Variants in ARFGAP3 observed in about 807,000 individuals in gnomAD.
ARFGAP3 encodes ADP-ribosylation factor GTPase-activating protein 3.
In ARFGAP3, 72 loss-of-function variants were observed where a neutral mutation model predicts 75.0. The observed-to-expected ratio is 0.96, with a 90% CI of 0.79 to 1.17. The LOEUF (loss-of-function observed/expected upper bound fraction) is 1.17. ARFGAP3 is among the 50% of genes most tolerant of loss of function. The probability of loss-of-function intolerance (pLI) is 0.00; values close to 1 mark genes in which losing one functional copy is unlikely to be tolerated. For missense variants in ARFGAP3, 620 were observed against 626.6 expected (o/e 0.99, Z 0.11); for synonymous variants, 221 against 217.9 (o/e 1.01, Z -0.13).
intron 1 of ARFGAP3, among the ~76,000 whole-genome samples, chr22:42,851,066 G>A (rs1291901615): frequency 6.6e-6 from 1 of 152,182 alleles, no homozygotes; most frequent in African/African-American, 2.4e-5. Context: ...TCCCCGTCAG[G>A]CTGTGTGTAA....
At position 42,822,456 on chromosome 22, in the gene ARFGAP3, T is replaced by C. The variant is rs770638028; in HGVS notation, c.673-47A>G. ...AGTCTACACGAGCTGTTTGAAAGCTTCTGTGACTACAGCTAACATTTCCTA... is the reference window on the plus strand; with the variant it reads ...AGTCTACACGAGCTGTTTGAAAGCTCCTGTGACTACAGCTAACATTTCCTA... On this transcript the variant is annotated intron_variant, in intron 8 of 15. Coordinates refer to ENST00000263245, the MANE Select transcript of ARFGAP3 (RefSeq NM_014570.5). 1.0e-5 allele frequency: 16 copies of C among 1,597,036 alleles called. 2 individuals carry two copies. In the South Asian group the frequency reaches 1.8e-4, roughly 18 times the overall value.
chr22:42,850,846 A>G (rs1020466621), intron 1 of ARFGAP3, among the ~76,000 whole-genome samples: 23 of 152,220 alleles, frequency 1.5e-4, no homozygotes, highest in African/African-American at 5.3e-4. Context: ...CACCTGCTGT[A>G]TGTCAGACAT....
At chr22:42,856,766 C>G (rs926154529) in intron 1 of ARFGAP3, among the ~76,000 whole-genome samples, 1 of 151,624 alleles carries the variant, frequency 6.6e-6, no homozygotes, top group Non-Finnish European at 1.5e-5. Context: ...GAGCCGGGAG[C>G]TCCCTCCTCG....
At chr22:42,849,116 A>G (rs1158830663) in intron 1 of ARFGAP3, among the ~76,000 whole-genome samples, 1 of 152,152 alleles carries the variant, frequency 6.6e-6, no homozygotes, top group African/African-American at 2.4e-5. Flanking sequence ...CCACCATGTG[A>G]GTAAGCTCCC....
intron 3 of ARFGAP3, among the ~76,000 whole-genome samples, chr22:42,837,675 C>CTTCT (rs1926586819): frequency 1.3e-5 from 1 of 75,662 alleles, no homozygotes; most frequent in African/African-American, 6.2e-5. Context: ...AGGCATACTT[C>CTTCT]TTTTTTTTTT....
intron 7 of ARFGAP3, among the ~76,000 whole-genome samples, chr22:42,826,074 C>G (rs1014379925): frequency 1.3e-5 from 2 of 152,118 alleles, no homozygotes; most frequent in African/African-American, 4.8e-5. Flanking sequence ...CAAACTCTGA[C>G]GAGTCTAAAA....
intron 2 of ARFGAP3, among the ~76,000 whole-genome samples, chr22:42,841,413 G>C (rs1026109158): frequency 6.6e-6 from 1 of 152,146 alleles, no homozygotes; most frequent in African/African-American, 2.4e-5. Flanking sequence ...GAAGCTTGGA[G>C]GATGCTCATT....
chr22:42,816,676 T>A (rs1925592792), intron 11 of ARFGAP3, among the ~76,000 whole-genome samples: 1 of 152,324 alleles, frequency 6.6e-6, no homozygotes, highest in African/African-American at 2.4e-5. Flanking sequence ...CCCCTCAAAG[T>A]ACAATCATCT....
At chr22:42,801,853 A>G (rs3788596) in intron 14 of ARFGAP3, among the ~76,000 whole-genome samples, 98,507 of 151,888 alleles carry the variant, frequency 0.65, 33,772 homozygotes, top group African/African-American at 0.87. Flanking sequence ...GAGTGGTGCA[A>G]GGGGGCCTAA....
chr22:42,837,775 GA>G (rs1372534313), intron 3 of ARFGAP3, among the ~76,000 whole-genome samples: 2 of 136,636 alleles, frequency 1.5e-5, no homozygotes, highest in African/African-American at 5.6e-5. Context: ...CAACCCCCTG[GA>G]TTCAAGTGAT....
intron 1 of ARFGAP3, among the ~76,000 whole-genome samples, chr22:42,854,397 G>C (rs1927408952): frequency 6.6e-6 from 1 of 152,234 alleles, no homozygotes; most frequent in Admixed American, 6.5e-5. Flanking sequence ...GGCTGAGACA[G>C]GCGGATCACT....
chr22:42,829,774 C>T (rs529994774), intron 6 of ARFGAP3, among the ~76,000 whole-genome samples: 2 of 152,226 alleles, frequency 1.3e-5, no homozygotes, highest in East Asian at 3.9e-4. Flanking sequence ...GAAGGGCTTC[C>T]TCAATTCAGG....
At chr22:42,856,262 C>T (rs1927492040) in intron 1 of ARFGAP3, among the ~76,000 whole-genome samples, 1 of 152,186 alleles carries the variant, frequency 6.6e-6, no homozygotes, top group Non-Finnish European at 1.5e-5. Context: ...CGGGAACTTT[C>T]TATGCCAGCA....
In ARFGAP3 at chr22:42,824,934, CAT is replaced by C. The variant is rs942070093; in HGVS notation, c.626-1234_626-1233del. Reference sequence around the variant, plus strand: ...TTTAGCCCCCACTTATAAGTGAAAACATGTGATATTTGGTTTTGTTTCTGCAT... The same window carrying C: ...TTTAGCCCCCACTTATAAGTGAAAACGTGATATTTGGTTTTGTTTCTGCAT... On this transcript the variant is annotated intron_variant, in intron 7 of 15. Coordinates refer to ENST00000263245, the MANE Select transcript of ARFGAP3 (RefSeq NM_014570.5). Among the ~76,000 whole-genome samples the C allele has an allele frequency of 2.7e-4, 41 of 152,326 alleles. 1 individual carries two copies. The highest frequency in any genetic ancestry group is 9.1e-4 in the African/African-American group (38 of 41,568).
intron 3 of ARFGAP3, among the ~76,000 whole-genome samples, chr22:42,837,233 A>G (rs140707253): frequency 1.9e-3 from 283 of 152,346 alleles, no homozygotes; most frequent in African/African-American, 6.3e-3. Flanking sequence ...AAGCCAAAGC[A>G]GGAGGATTGC....
chr22:42,801,911 G>A (rs1924879509), intron 14 of ARFGAP3, among the ~76,000 whole-genome samples: 2 of 152,310 alleles, frequency 1.3e-5, no homozygotes, highest in Admixed American at 1.3e-4. Context: ...TGGGGGAATG[G>A]GGAAGAAGAG....
Position 42,826,608 on chromosome 22 carries a change from C to T in ARFGAP3, c.625+332G>A, listed in dbSNP as rs138620903. Among the ~76,000 whole-genome samples the T allele has an allele frequency of 9.8e-3, 1,491 of 151,980 alleles. 27 individuals carry two copies. Among genetic ancestry groups the T allele is most frequent in the African/African-American group, 0.034 (1,425 of 41,426 alleles). ...AGAGCTAAGGTTTCGCTGTGTTGCCCAAGCTGGTCTCGAACTCCTGGGCTC... is the reference window on the plus strand; with the variant it reads ...AGAGCTAAGGTTTCGCTGTGTTGCCTAAGCTGGTCTCGAACTCCTGGGCTC... On this transcript the variant is annotated intron_variant, in intron 7 of 15. Coordinates refer to ENST00000263245, the MANE Select transcript of ARFGAP3 (RefSeq NM_014570.5).
intron 2 of ARFGAP3, 87 bp from the exon 3 acceptor site, chr22:42,841,103 G>A (rs1295187440): frequency 1.3e-6 from 2 of 1,519,324 alleles, no homozygotes; most frequent in Non-Finnish European, 1.8e-6. Context: ...GTTTCCTTAG[G>A]CTTTAGGATC....
At chr22:42,824,019 A>T (rs991186782) in intron 7 of ARFGAP3, among the ~76,000 whole-genome samples, 146 of 140,492 alleles carry the variant, frequency 1.0e-3, no homozygotes, top group African/African-American at 3.7e-3. Context: ...TTTAAAAAAT[A>T]TATTACAACA....
Sources: gnomAD v4.1 joint callset for allele counts (sites outside exome capture counted in the v4.1 genomes callset) on GRCh38, gnomAD v4.1.1 for gene constraint, MANE v1.5 for transcripts, NCBI Gene and HGNC (gene_info 2026-07-23, HGNC 2026-07-21) for gene names.